The following MID1 variants were observed in gnomAD, a reference collection of about 807,000 sequenced individuals.
MID1 encodes midline 1.
In MID1, 7 loss-of-function variants were observed where a neutral mutation model predicts 40.4. The observed-to-expected ratio is 0.17, with a 90% CI of 0.10 to 0.33. The LOEUF (loss-of-function observed/expected upper bound fraction) is 0.33. Among genes scored for constraint, MID1 ranks in the 10% least tolerant of loss-of-function variants. MID1 has a pLI of 1.00. For synonymous variants in MID1, 229 were observed against 221.2 expected, an observed-to-expected ratio of 1.04 and a Z score of -0.31; for missense variants, 367 against 558.5, an observed-to-expected ratio of 0.66 and a Z score of 3.46.
chrX:10,751,098 C>T (rs776135908), intron 1 of MID1, among the ~76,000 whole-genome samples: 1 of 109,724 alleles, frequency 9.1e-6, no homozygotes, highest in Non-Finnish European at 1.9e-5. Context: ...AACCCCGTCT[C>T]TACCAAAAAT....
At chrX:10,714,192 C>T (rs192134817) in intron 1 of MID1, among the ~76,000 whole-genome samples, 251 of 112,614 alleles carry the variant, frequency 2.2e-3, no homozygotes, top group Middle Eastern at 4.6e-3. Flanking sequence ...AAAAACTATT[C>T]TTAAAAGAAA....
intron 1 of MID1, among the ~76,000 whole-genome samples, chrX:10,602,263 A>T (rs1165152778): frequency 9.6e-6 from 1 of 104,286 alleles, no homozygotes; most frequent in Non-Finnish European, 1.9e-5. Flanking sequence ...GACCACTTTT[A>T]AAAAAATTTT....
intron 2 of MID1, among the ~76,000 whole-genome samples, chrX:10,561,225 G>T (rs1175622537): frequency 1.3e-4 from 13 of 102,817 alleles, no homozygotes; most frequent in African/African-American, 4.3e-4. Context: ...ACTCACGATG[G>T]ATTAAAGACT....
At chrX:10,473,165 GC>G (rs1387856075) in intron 6 of MID1, among the ~76,000 whole-genome samples, 3 of 112,289 alleles carry the variant, frequency 2.7e-5, no homozygotes, top group African/African-American at 9.8e-5. Flanking sequence ...GTTTTCAATA[GC>G]CCCATGTGGG....
intron 1 of MID1, among the ~76,000 whole-genome samples, chrX:10,584,167 C>T (rs1482857074): frequency 1.8e-5 from 2 of 111,633 alleles, no homozygotes; most frequent in Non-Finnish European, 3.8e-5. Flanking sequence ...AGAGGAAGAA[C>T]CCACTTCCAC....
chrX:10,563,034 C>T (rs1051481222), intron 2 of MID1, among the ~76,000 whole-genome samples: 6 of 96,307 alleles, frequency 6.2e-5, no homozygotes, highest in Admixed American at 4.2e-4. Flanking sequence ...GCTCAGTATA[C>T]ACTTACAACT....
chrX:10,625,480 G>A (rs942566346), upstream of MID1, among the ~76,000 whole-genome samples: 9 of 112,402 alleles, frequency 8.0e-5, no homozygotes, highest in Non-Finnish European at 1.1e-4. Flanking sequence ...AGCACAGAGT[G>A]TGTGGTCAGT....
chrX:10,789,276 G>A (rs769796889), intron 1 of MID1, among the ~76,000 whole-genome samples: 3 of 112,387 alleles, frequency 2.7e-5, no homozygotes, highest in Non-Finnish European at 5.6e-5. Context: ...GATTAAAAAT[G>A]TAAGTAATCT....
chrX:10,476,779 G>A (rs1318544259), intron 5 of MID1, among the ~76,000 whole-genome samples: 5 of 111,644 alleles, frequency 4.5e-5, no homozygotes. Flanking sequence ...AGAGTTGAGT[G>A]CTTTTGTTGA....
chrX:10,675,083 T>TA (rs1334737832), intron 1 of MID1, among the ~76,000 whole-genome samples: 1 of 112,299 alleles, frequency 8.9e-6, no homozygotes, highest in African/African-American at 3.2e-5. Context: ...TTGAATATTC[T>TA]AATAAGCACA....
chrX:10,685,719 T>A (rs1352124626), intron 1 of MID1, among the ~76,000 whole-genome samples: 1 of 111,502 alleles, frequency 9.0e-6, no homozygotes, highest in African/African-American at 3.3e-5. Flanking sequence ...TAAAAATGGA[T>A]AATTTCCCCT....
intron 1 of MID1, among the ~76,000 whole-genome samples, chrX:10,729,526 A>T (rs2043425408): frequency 8.9e-6 from 1 of 112,258 alleles, no homozygotes; most frequent in Non-Finnish European, 1.9e-5. Context: ...CTTTAATTTT[A>T]TAAATGAAGC....
chrX:10,542,339 T>C (rs1005261437), intron 2 of MID1, among the ~76,000 whole-genome samples: 4 of 111,442 alleles, frequency 3.6e-5, no homozygotes, highest in African/African-American at 9.8e-5. Context: ...AGTGTCTCCA[T>C]AGGGTAATTT....
chrX:10,501,432 C>T lies in MID1; in HGVS notation c.757-5741G>A, dbSNP rs759946061. On this transcript the variant is annotated intron_variant, in intron 3 of 9. Coordinates refer to ENST00000317552, the MANE Select transcript of MID1 (RefSeq NM_000381.4). ...CTTCTCTACATCTAGAGTCAGTTTT[C>T]TTTCGCGTCTTGAAATGCATCTTCT... 5 of 1,153,752 alleles carry T rather than the reference C, an allele frequency of 4.3e-6. No individual in the cohort carries two copies. The African/African-American group carries it at 9.0e-5, about 21-fold the overall frequency.
intron 1 of MID1, among the ~76,000 whole-genome samples, chrX:10,649,338 C>A (rs780291534): frequency 8.9e-6 from 1 of 111,956 alleles, no homozygotes; most frequent in East Asian, 2.8e-4. Flanking sequence ...GACATCTTAT[C>A]TTCTGCAGCT....
At chrX:10,596,896 A>G (rs1935421945) in intron 1 of MID1, among the ~76,000 whole-genome samples, 1 of 111,536 alleles carries the variant, frequency 9.0e-6, no homozygotes. Flanking sequence ...ACCAGAATTA[A>G]GAAGAATGCA....
At chrX:10,601,983 G>T (rs1281880401) in intron 1 of MID1, among the ~76,000 whole-genome samples, 2 of 106,431 alleles carry the variant, frequency 1.9e-5, no homozygotes, top group African/African-American at 6.9e-5. Context: ...TGCAAGCTCC[G>T]CCTCCCGGGT....
chrX:10,619,987 G>A (rs1237664198), intron 1 of MID1, among the ~76,000 whole-genome samples: 1 of 111,977 alleles, frequency 8.9e-6, no homozygotes, highest in African/African-American at 3.2e-5. Context: ...CATTCCAGCG[G>A]CCGCAAACTG....
At chrX:10,471,829 A>G (rs1929726709) in intron 6 of MID1, among the ~76,000 whole-genome samples, 1 of 112,608 alleles carries the variant, frequency 8.9e-6, no homozygotes, top group Non-Finnish European at 1.9e-5. Flanking sequence ...TTAAATAGAA[A>G]GAAAACGTAT....
Sources: allele counts gnomAD v4.1 joint callset (sites outside exome capture counted in the v4.1 genomes callset), GRCh38; gene constraint gnomAD v4.1.1; transcripts MANE v1.5; gene names NCBI Gene and HGNC (gene_info 2026-07-23, HGNC 2026-07-21).